TRPC1: variants seen among roughly 807,000 people sequenced by gnomAD.
TRPC1 encodes short transient receptor potential channel 1.
In TRPC1, 42 loss-of-function variants were observed where a neutral mutation model predicts 88.2. The ratio of observed to expected loss-of-function variants is 0.48; its 90% CI spans 0.37 to 0.62. The LOEUF (loss-of-function observed/expected upper bound fraction) is 0.62, where lower values mean the gene tolerates loss of function less well. TRPC1 is among the 20% of genes least tolerant of loss of function. The pLI is 0.00. For synonymous variants in TRPC1, 288 were observed against 331.8 expected (o/e 0.87, Z 1.43); for missense variants, 699 against 957.3 (o/e 0.73, Z 3.56).
intron 3 of TRPC1, among the ~76,000 whole-genome samples, chr3:142,743,922 TGTAG>T (rs1560096052): frequency 6.6e-6 from 1 of 151,830 alleles, no homozygotes; most frequent in East Asian, 1.9e-4. Context: ...TGGAAGAAAA[TGTAG>T]GTGAATGTTT....
chr3:142,748,119 CA>C, intron 3 of TRPC1, 138 bp from the exon 4 acceptor site: 1 of 808,996 alleles, frequency 1.2e-6, no homozygotes, highest in Non-Finnish European at 1.9e-6. Context: ...AAATTTAGTC[CA>C]AGCAAAATGT....
intron 8 of TRPC1, among the ~76,000 whole-genome samples, chr3:142,791,863 C>T (rs966728335): frequency 1.3e-5 from 2 of 151,908 alleles, no homozygotes; most frequent in African/African-American, 2.4e-5. Context: ...AGATAACTTA[C>T]AATTTTACTT....
chr3:142,730,743 A>G (rs536785591), intron 1 of TRPC1, among the ~76,000 whole-genome samples: 1 of 151,622 alleles, frequency 6.6e-6, no homozygotes, highest in Non-Finnish European at 1.5e-5. Context: ...ATTTTTTCAC[A>G]TCATCATTCT....
chr3:142,794,389 G>A (rs1936392769), intron 9 of TRPC1, among the ~76,000 whole-genome samples: 1 of 151,936 alleles, frequency 6.6e-6, no homozygotes, highest in Non-Finnish European at 1.5e-5. Flanking sequence ...TCTGACTTCT[G>A]TTTCCAGCCA....
At chr3:142,766,191 T>C (rs1935381351) in intron 4 of TRPC1, among the ~76,000 whole-genome samples, 1 of 152,124 alleles carries the variant, frequency 6.6e-6, no homozygotes, top group South Asian at 2.1e-4. Context: ...GTCAACTCGA[T>C]TGGATTGAAG....
rs1248667235 is a variant in TRPC1 at position 142,767,729 on chromosome 3, G to C, written c.633-9903G>C. On this transcript the variant is annotated intron_variant, in intron 4 of 12. Coordinates refer to ENST00000476941, the MANE Select transcript of TRPC1 (RefSeq NM_001251845.2). The surrounding 1 kb of genome is among the most constrained non-coding windows in gnomAD (Gnocchi z 5.1). ...TTCATTAGCAGTCACTCTCCCAGCT[G>C]GTGGCAACTACTAAATCTACTTTCT... Among the ~76,000 whole-genome samples the C allele has an allele frequency of 6.6e-6, 1 of 151,556 alleles. No homozygotes were observed. The highest frequency in any genetic ancestry group is 1.5e-5 in the Non-Finnish European group (1 of 67,848).
chr3:142,795,210 G>C (rs1334499616), intron 9 of TRPC1, among the ~76,000 whole-genome samples: 1 of 151,970 alleles, frequency 6.6e-6, no homozygotes, highest in African/African-American at 2.4e-5. Flanking sequence ...GAGTATCTGT[G>C]AACTTTGGGA....
At chr3:142,787,383 T>C (rs1055122393) in intron 7 of TRPC1, among the ~76,000 whole-genome samples, 3 of 152,226 alleles carry the variant, frequency 2.0e-5, no homozygotes, top group Non-Finnish European at 4.4e-5. Context: ...TTTCAAGCAA[T>C]GAACACAGTG....
chr3:142,780,155 A>G (rs543455391), intron 5 of TRPC1, among the ~76,000 whole-genome samples: 1 of 152,230 alleles, frequency 6.6e-6, no homozygotes, highest in East Asian at 1.9e-4. Context: ...GCCGTAATTG[A>G]TATTTTTTAA....
intron 1 of TRPC1, among the ~76,000 whole-genome samples, chr3:142,729,667 C>T (rs1047003936): frequency 1.3e-5 from 2 of 152,086 alleles, no homozygotes; most frequent in African/African-American, 2.4e-5. Flanking sequence ...TTATCGTAAC[C>T]TAATAATTCC....
Position 142,806,393 on chromosome 3 carries a change from G to T in TRPC1, c.*158G>T. 1 of 645,420 alleles carries T rather than the reference G, an allele frequency of 1.5e-6. No homozygotes were observed. Among genetic ancestry groups the T allele is most frequent in the Non-Finnish European group, 2.5e-6 (1 of 404,650 alleles). The allele number at this position is 645,420 out of a possible 1,614,324, so 40.0% of individuals were successfully genotyped here. Reference sequence around the variant, plus strand: ...ATAGCATAAATATATGTTATGTAAAGTGTGTATATAGAATTAGTTTTTTAA... The same window carrying T: ...ATAGCATAAATATATGTTATGTAAATTGTGTATATAGAATTAGTTTTTTAA... On this transcript the variant is annotated 3_prime_UTR_variant, in exon 13 of 13. Transcript: ENST00000476941.
At chr3:142,730,158 G>T (rs995997443) in intron 1 of TRPC1, among the ~76,000 whole-genome samples, 1 of 152,092 alleles carries the variant, frequency 6.6e-6, no homozygotes, top group Non-Finnish European at 1.5e-5. Flanking sequence ...CAGCAGCATT[G>T]TGAATGGGAT....
At chr3:142,726,031 CAG>C (rs1000237413) in intron 1 of TRPC1, among the ~76,000 whole-genome samples, 13 of 152,052 alleles carry the variant, frequency 8.5e-5, no homozygotes, top group South Asian at 4.1e-4. Context: ...TGTAAAGAAA[CAG>C]AATATACATC....
At position 142,724,833 on chromosome 3, in the gene TRPC1, C is replaced by A; in HGVS notation, c.172+102C>A. 1 of 1,324,752 alleles carries A rather than the reference C, an allele frequency of 7.5e-7. No homozygotes were observed. Among genetic ancestry groups the A allele is most frequent in the South Asian group, 1.7e-5 (1 of 58,956 alleles). The allele number at this position is 1,324,752 out of a possible 1,614,324, so 82.1% of individuals were successfully genotyped here. ...ATCGGGGCATTCCCTCTGTCTCAGG[C>A]GCCGAGTGTCTTCCCGCCTCGCCTG... On this transcript the variant is annotated intron_variant, in intron 1 of 12. Transcript: ENST00000476941. This position sits in a 1 kb window ranked among gnomAD's most constrained non-coding sequence, Gnocchi z 5.6.
intron 9 of TRPC1, among the ~76,000 whole-genome samples, chr3:142,794,913 C>T (rs1302665712): frequency 6.6e-6 from 1 of 152,026 alleles, no homozygotes; most frequent in African/African-American, 2.4e-5. Context: ...CCAAAAGCAA[C>T]ACAGATGTTA....
At chr3:142,795,832 A>G (rs968089446) in intron 9 of TRPC1, among the ~76,000 whole-genome samples, 1 of 152,090 alleles carries the variant, frequency 6.6e-6, no homozygotes, top group Non-Finnish European at 1.5e-5. Flanking sequence ...CTAAATAGAC[A>G]GGCATTTTTT....
chr3:142,735,478 G>T (rs1345110985), intron 1 of TRPC1, among the ~76,000 whole-genome samples: 2 of 152,134 alleles, frequency 1.3e-5, no homozygotes, highest in East Asian at 3.8e-4. Flanking sequence ...AACAAAACAA[G>T]CAAAACCCAC....
intron 4 of TRPC1, among the ~76,000 whole-genome samples, chr3:142,751,195 G>A (rs1205862264): frequency 6.6e-6 from 1 of 152,192 alleles, no homozygotes; most frequent in Non-Finnish European, 1.5e-5. Flanking sequence ...GTACAGTAAT[G>A]TTCTAGGCCT....
chr3:142,737,530 T>G (rs960632790), intron 2 of TRPC1, among the ~76,000 whole-genome samples: 29 of 152,164 alleles, frequency 1.9e-4, no homozygotes, highest in Non-Finnish European at 1.6e-4. Flanking sequence ...ATTAAATTTA[T>G]GAACTTTAGT....
Sources: gnomAD v4.1 joint callset for allele counts (sites outside exome capture counted in the v4.1 genomes callset) on GRCh38, gnomAD v4.1.1 for gene constraint, Gnocchi (gnomAD v3.1) non-coding constraint, MANE v1.5 for transcripts, NCBI Gene and HGNC (gene_info 2026-07-23, HGNC 2026-07-21) for gene names.